Variants in CEP85L observed in about 807,000 individuals in gnomAD.
CEP85L encodes centrosomal protein 85L.
A neutral mutation model predicts 100.3 loss-of-function variants in CEP85L; 60 were observed. That is an observed-to-expected ratio of 0.60 (90% CI 0.49 to 0.74). The LOEUF (loss-of-function observed/expected upper bound fraction) is 0.74, where lower values mean the gene tolerates loss of function less well. Among genes scored for constraint, CEP85L ranks in the 30% least tolerant of loss-of-function variants. The probability of loss-of-function intolerance (pLI) is 0.00; values close to 1 mark genes in which losing one functional copy is unlikely to be tolerated. For synonymous variants in CEP85L, 319 were observed against 322.7 expected (o/e 0.99, Z 0.12); for missense variants, 973 against 936.2 (o/e 1.04, Z -0.51).
At chr6:118,554,463 A>G (rs1188037507) in intron 3 of CEP85L, among the ~76,000 whole-genome samples, 4 of 152,152 alleles carry the variant, frequency 2.6e-5, no homozygotes. Context: ...ATTATTTTTA[A>G]TTAACAATTT....
intron 2 of CEP85L, 137 bp downstream of exon 2, chr6:118,632,316 A>G: frequency 1.4e-6 from 1 of 701,382 alleles, no homozygotes; most frequent in South Asian, 2.8e-5. Flanking sequence ...TATTTGATAT[A>G]CAGCAACACT....
intron 2 of CEP85L, among the ~76,000 whole-genome samples, chr6:118,615,524 C>G (rs1228699081): frequency 6.6e-6 from 1 of 152,158 alleles, no homozygotes; most frequent in Non-Finnish European, 1.5e-5. Flanking sequence ...ACACCGTGCA[C>G]GTTCCGAGAA....
At chr6:118,698,708 T>C (rs1777295018) in intron 1 of CEP85L, among the ~76,000 whole-genome samples, 1 of 152,116 alleles carries the variant, frequency 6.6e-6, no homozygotes, top group Non-Finnish European at 1.5e-5. Context: ...GACTGATCCA[T>C]CTTTTGCACT....
At position 118,609,848 on chromosome 6, in the gene CEP85L, C is replaced by A. The variant is rs191294677; in HGVS notation, c.232+22605G>T. On this transcript the variant is annotated intron_variant, in intron 2 of 12. Transcript: ENST00000368491. ...TTGTTTCATTCAACAAAATTGAACA[C>A]CCAGGACATACCAGTTCCTGTCCTA... Among the ~76,000 whole-genome samples the A allele has an allele frequency of 3.6e-3, 544 of 152,050 alleles. 4 individuals carry two copies. The highest frequency in any genetic ancestry group is 5.4e-3 in the Non-Finnish European group (368 of 67,974).
At chr6:118,535,638 C>A (rs1777546561) in intron 3 of CEP85L, among the ~76,000 whole-genome samples, 1 of 152,184 alleles carries the variant, frequency 6.6e-6, no homozygotes, top group Non-Finnish European at 1.5e-5. Flanking sequence ...GGTGAATCAT[C>A]CATTTCTCCA....
At chr6:118,542,901 A>C (rs1369491738) in intron 3 of CEP85L, among the ~76,000 whole-genome samples, 4 of 21,602 alleles carry the variant, frequency 1.9e-4, no homozygotes, top group African/African-American at 9.4e-4. Context: ...AAGTTTTCCC[A>C]AAAAAAAAAA....
Position 118,624,096 on chromosome 6 carries a change from A to G in CEP85L, c.232+8357T>C, listed in dbSNP as rs143109368. 3.7e-4 allele frequency among the ~76,000 whole-genome samples: 56 copies of G among 152,248 alleles called. 1 individual carries two copies. Among genetic ancestry groups the G allele is most frequent in the African/African-American group, 1.0e-3 (43 of 41,546 alleles). On this transcript the variant is annotated intron_variant, in intron 2 of 12. Coordinates refer to ENST00000368491, the MANE Select transcript of CEP85L (RefSeq NM_001042475.3). Reference sequence around the variant, plus strand: ...ACCAGCCTTGATACACCTGTGACCCACTTGAGGCCCTGCTTCTCCTATTTC... The same window carrying G: ...ACCAGCCTTGATACACCTGTGACCCGCTTGAGGCCCTGCTTCTCCTATTTC...
At chr6:118,529,622 A>AAAAAAAAAAAAAAAAAAAAAAAAAAC (rs1777177652) in intron 3 of CEP85L, among the ~76,000 whole-genome samples, 1 of 106,120 alleles carries the variant, frequency 9.4e-6, no homozygotes, top group African/African-American at 3.2e-5. Flanking sequence ...AAAAAAAAAA[A>AAAAAAAAAAAAAAAAAAAAAAAAAAC]AAAAAAAAAA....
rs1191709878 is a variant in CEP85L, at chr6:118,472,710, GTGTT to G, written c.1915-2070_1915-2067del. On this transcript the variant is annotated intron_variant, in intron 10 of 12. Transcript: ENST00000368491. ...AAATATCTCATATTTTCTGAAACGA[GTGTT>G]TGGCCTTGTGAATTTTACAATAACT... Among the ~76,000 whole-genome samples, 3 of 152,112 alleles carry G rather than the reference GTGTT, an allele frequency of 2.0e-5. No homozygotes were observed. The South Asian group carries it at 6.2e-4, about 32-fold the overall frequency.
At chr6:118,580,323 C>T (rs1308956442) in intron 2 of CEP85L, among the ~76,000 whole-genome samples, 6 of 152,136 alleles carry the variant, frequency 3.9e-5, no homozygotes, top group South Asian at 2.1e-4. Context: ...TCATCAGAGT[C>T]GTATCATTTT....
intron 1 of CEP85L, among the ~76,000 whole-genome samples, chr6:118,701,876 C>T (rs1279602312): frequency 3.9e-5 from 6 of 152,162 alleles, no homozygotes; most frequent in Non-Finnish European, 8.8e-5. Context: ...TACTCCTATA[C>T]ATAAGGATAG....
chr6:118,563,225 A>G (rs546216611), intron 3 of CEP85L, among the ~76,000 whole-genome samples: 1 of 152,306 alleles, frequency 6.6e-6, no homozygotes, highest in African/African-American at 2.4e-5. Context: ...ACACTCCTGC[A>G]CTCTTGATGA....
At chr6:118,493,427 G>A (rs1459430163) in intron 5 of CEP85L, among the ~76,000 whole-genome samples, 1 of 152,140 alleles carries the variant, frequency 6.6e-6, no homozygotes, top group African/African-American at 2.4e-5. Flanking sequence ...TGAAAGGGAA[G>A]AGATGAGAGG....
At chr6:118,558,049 C>T (rs376203536) in intron 3 of CEP85L, among the ~76,000 whole-genome samples, 19 of 152,100 alleles carry the variant, frequency 1.2e-4, no homozygotes, top group African/African-American at 4.6e-4. Flanking sequence ...AATGCAACCC[C>T]TGCCTCCTGG....
chr6:118,668,145 A>G (rs1231650715), intron 1 of CEP85L, among the ~76,000 whole-genome samples: 1 of 152,210 alleles, frequency 6.6e-6, no homozygotes, highest in Non-Finnish European at 1.5e-5. Flanking sequence ...AGCTCTAACC[A>G]TTATATTATA....
chr6:118,691,180 C>T (rs1172806826), intron 1 of CEP85L, among the ~76,000 whole-genome samples: 1 of 64,156 alleles, frequency 1.6e-5, no homozygotes, highest in Non-Finnish European at 3.9e-5. Flanking sequence ...TTTGAGATGC[C>T]AAGGCAGGTG....
chr6:118,581,250 C>T (rs1780560793), intron 2 of CEP85L, among the ~76,000 whole-genome samples: 1 of 152,092 alleles, frequency 6.6e-6, no homozygotes, highest in Non-Finnish European at 1.5e-5. Context: ...ATTCTGTCTC[C>T]AACAGAGACA....
At chr6:118,665,203 C>A (rs899486594) in intron 1 of CEP85L, among the ~76,000 whole-genome samples, 1 of 152,108 alleles carries the variant, frequency 6.6e-6, no homozygotes, top group Admixed American at 6.6e-5. Context: ...TCCACTGCCC[C>A]CATGTGTACC....
chr6:118,579,399 CA>C (rs972459648), intron 2 of CEP85L, among the ~76,000 whole-genome samples: 3 of 151,222 alleles, frequency 2.0e-5, no homozygotes, highest in South Asian at 4.2e-4. Context: ...TTACATTTAC[CA>C]AAAAAAATTA....
Sources: allele counts gnomAD v4.1 joint callset (sites outside exome capture counted in the v4.1 genomes callset), GRCh38; gene constraint gnomAD v4.1.1; transcripts MANE v1.5; gene names NCBI Gene and HGNC (gene_info 2026-07-23, HGNC 2026-07-21).